The following MPHOSPH9 variants were observed in gnomAD, a reference collection of about 807,000 sequenced individuals.
MPHOSPH9 encodes the protein M-phase phosphoprotein 9.
In MPHOSPH9, 88 loss-of-function variants were observed where a neutral mutation model predicts 145.5. The observed-to-expected ratio is 0.60, with a 90% CI of 0.51 to 0.72. MPHOSPH9 has a LOEUF of 0.72. Among genes scored for constraint, MPHOSPH9 ranks in the 30% least tolerant of loss-of-function variants. MPHOSPH9 has a pLI of 0.00. For missense variants in MPHOSPH9, 1,238 were observed against 1,386.6 expected, an observed-to-expected ratio of 0.89 and a Z score of 1.70; for synonymous variants, 435 against 486.2, an observed-to-expected ratio of 0.89 and a Z score of 1.39.
At chr12:123,179,399 C>T (rs1028669132) in intron 15 of MPHOSPH9, among the ~76,000 whole-genome samples, 1 of 152,164 alleles carries the variant, frequency 6.6e-6, no homozygotes, top group South Asian at 2.1e-4. Flanking sequence ...CATGGCGAAA[C>T]CCTGTCTCTA....
At chr12:123,215,594 A>G (rs1411867340) in intron 6 of MPHOSPH9, among the ~76,000 whole-genome samples, 2 of 152,204 alleles carry the variant, frequency 1.3e-5, no homozygotes, top group Non-Finnish European at 2.9e-5. Context: ...GTAGTAGACT[A>G]CTTCCTATAT....
chr12:123,230,389 C>G lies in MPHOSPH9; in HGVS notation c.-25G>C. 1 of 1,388,446 alleles carries G rather than the reference C, an allele frequency of 7.2e-7. No homozygotes were observed. The highest frequency in any genetic ancestry group is 9.7e-7 in the Non-Finnish European group (1 of 1,028,446). 86.0% of individuals were successfully genotyped at this position (1,388,446 alleles called of 1,614,324 possible). ...TAGTGTACAGAAATTGTTATATTCT[C>G]TTATTGGAAAATAAAGGTTCTTGGG... is the stretch of plus-strand genomic sequence containing the variant. On this transcript the variant is annotated 5_prime_UTR_variant, in exon 2 of 24. Transcript: ENST00000606320.
chr12:123,194,742 CT>C (rs1300849145), intron 12 of MPHOSPH9, 141 bp from the exon 13 acceptor site: 8 of 572,828 alleles, frequency 1.4e-5, no homozygotes, highest in African/African-American at 1.1e-4. Context: ...CTGCCTCAGC[CT>C]CCCGAGAGCT....
At chr12:123,179,870 A>G in intron 15 of MPHOSPH9, 56 bp downstream of exon 15, 4 of 941,112 alleles carry the variant, frequency 4.3e-6, no homozygotes, top group Non-Finnish European at 6.3e-6. Context: ...TGTTCAATAC[A>G]GACACATAAA....
chr12:123,175,758 C>T (rs889808431), intron 16 of MPHOSPH9, among the ~76,000 whole-genome samples: 2 of 150,630 alleles, frequency 1.3e-5, no homozygotes, highest in African/African-American at 4.9e-5. Context: ...TCCCTGGTCC[C>T]CAACCCGAAG....
chr12:123,164,264 GCAC>G (rs2044222877), intron 18 of MPHOSPH9, among the ~76,000 whole-genome samples, 174 bp from the exon 19 acceptor site: 1 of 152,132 alleles, frequency 6.6e-6, no homozygotes, highest in Non-Finnish European at 1.5e-5. Context: ...ATTTGCAAAT[GCAC>G]CACATTATAA....
rs2043830224 is a variant in MPHOSPH9, at chr12:123,154,884, G to A, written c.*1923C>T. 1 of 151,940 alleles carries A rather than the reference G, an allele frequency of 6.6e-6. No homozygotes were observed. Among genetic ancestry groups the A allele is most frequent in the Non-Finnish European group, 1.5e-5 (1 of 68,014 alleles). The allele number at this position is 151,940 out of a possible 1,614,324, so 9.4% of individuals were successfully genotyped here. On this transcript the variant is annotated 3_prime_UTR_variant, in exon 24 of 24. Transcript: ENST00000606320. The stretch of plus-strand genomic sequence containing the variant: ...GAATACCAAGAATAGGCCGGGTGTG[G>A]TGGCTCATGCCTGTAATCCCAGCAC...
chr12:123,220,059 C>T (rs950628318), intron 5 of MPHOSPH9, among the ~76,000 whole-genome samples: 12 of 151,454 alleles, frequency 7.9e-5, no homozygotes, highest in African/African-American at 1.7e-4. Context: ...CCGGACGTGG[C>T]GGTACATGCC....
At chr12:123,233,222 A>G (rs1250376551), upstream of MPHOSPH9, 2 of 152,122 alleles carry the variant, frequency 1.3e-5, no homozygotes, top group Non-Finnish European at 1.5e-5. Flanking sequence ...GCGCGCGTCC[A>G]CCTCGCCGTT....
At chr12:123,216,606 T>C (rs1201846064) in intron 6 of MPHOSPH9, among the ~76,000 whole-genome samples, 3 of 152,130 alleles carry the variant, frequency 2.0e-5, no homozygotes, top group Non-Finnish European at 4.4e-5. Flanking sequence ...ATCTCAGCAT[T>C]TGGGGAGGCC....
intron 13 of MPHOSPH9, among the ~76,000 whole-genome samples, chr12:123,188,585 C>T (rs938258602): frequency 1.3e-5 from 2 of 152,226 alleles, no homozygotes; most frequent in African/African-American, 4.8e-5. Context: ...CGGTGGCTCA[C>T]GCCTGTAATC....
chr12:123,219,501 C>T lies in MPHOSPH9; in HGVS notation c.873-1002G>A, dbSNP rs145769874. ...CCGGGAGGCAGAGCTTGCAGTGAGCCGAGATTGCGCCACTGCACTCCAGCC... is the reference window on the plus strand; with the variant it reads ...CCGGGAGGCAGAGCTTGCAGTGAGCTGAGATTGCGCCACTGCACTCCAGCC... On this transcript the variant is annotated intron_variant, in intron 5 of 23. Coordinates refer to ENST00000606320, the MANE Select transcript of MPHOSPH9 (RefSeq NM_022782.4). 9.0e-3 allele frequency among the ~76,000 whole-genome samples: 1,295 copies of T among 144,432 alleles called. 15 individuals carry two copies. Among genetic ancestry groups the T allele is most frequent in the African/African-American group, 0.031 (1,186 of 38,556 alleles). 94.8% of individuals were successfully genotyped at this position (144,432 alleles called of 152,430 possible).
intron 23 of MPHOSPH9, chr12:123,160,120 ATCAGCC>A (rs1439214238): frequency 6.6e-6 from 1 of 152,204 alleles, no homozygotes; most frequent in African/African-American, 2.4e-5. Context: ...ACCCGCCTGC[ATCAGCC>A]TCCCAAAGTG....
In MPHOSPH9 at chr12:123,156,711, A is replaced by G; in HGVS notation, c.*96T>C. 3 of 779,630 alleles carry G rather than the reference A, an allele frequency of 3.8e-6. No homozygotes were observed. Among genetic ancestry groups the G allele is most frequent in the Non-Finnish European group, 4.0e-6 (2 of 504,188 alleles). 48.3% of individuals were successfully genotyped at this position (779,630 alleles called of 1,614,324 possible). On this transcript the variant is annotated 3_prime_UTR_variant, in exon 24 of 24. Coordinates refer to ENST00000606320, the MANE Select transcript of MPHOSPH9 (RefSeq NM_022782.4). Reference sequence around the variant, plus strand: ...GCATGATTGTAAAACTACTGTTTGAAGGCTTATAAACAGTACAAAATAGTT... The same window carrying G: ...GCATGATTGTAAAACTACTGTTTGAGGGCTTATAAACAGTACAAAATAGTT...
chr12:123,162,273 A>G, intron 20 of MPHOSPH9, 55 bp from the exon 21 acceptor site: 1 of 938,142 alleles, frequency 1.1e-6, no homozygotes, highest in Non-Finnish European at 1.5e-6. Flanking sequence ...GATTTTCCCT[A>G]TCTCCACTAC....
downstream of MPHOSPH9, among the ~76,000 whole-genome samples, chr12:123,153,657 C>T (rs541494233): frequency 9.4e-5 from 14 of 148,768 alleles, no homozygotes; most frequent in African/African-American, 2.8e-4. Context: ...CCCACCTACA[C>T]GGGAGGCTGA....
chr12:123,166,276 T>C (rs1479917648), intron 17 of MPHOSPH9: 3 of 221,456 alleles, frequency 1.4e-5, no homozygotes, highest in Non-Finnish European at 2.6e-5. Context: ...CCGGCTAATA[T>C]ATTTATTTTT....
chr12:123,173,414 T>C (rs1300019824), intron 16 of MPHOSPH9, among the ~76,000 whole-genome samples: 1 of 152,202 alleles, frequency 6.6e-6, no homozygotes, highest in Non-Finnish European at 1.5e-5. Flanking sequence ...GTCTTCCTTT[T>C]ACCTTACCAG....
Position 123,159,714 on chromosome 12 carries a change from C to A in MPHOSPH9, c.3450+1067G>T, listed in dbSNP as rs2044023061. 6.6e-6 allele frequency: 1 copy of A among 152,130 alleles called. No homozygotes were observed. The highest frequency in any genetic ancestry group is 2.4e-5 in the African/African-American group (1 of 41,406). 9.4% of individuals were successfully genotyped at this position (152,130 alleles called of 1,614,324 possible). The stretch of plus-strand genomic sequence containing the variant: ...AGAGATATGTTTAAGAACTTTATTG[C>A]AGCCTTATTTATGATATCCAAAATT... On this transcript the variant is annotated intron_variant, in intron 23 of 23. Transcript: ENST00000606320. This position sits in a 1 kb window ranked among gnomAD's most constrained non-coding sequence, Gnocchi z 4.3.
Sources: allele counts gnomAD v4.1 joint callset (sites outside exome capture counted in the v4.1 genomes callset), GRCh38; gene constraint gnomAD v4.1.1; non-coding constraint Gnocchi (gnomAD v3.1); transcripts MANE v1.5; gene names NCBI Gene and HGNC (gene_info 2026-07-23, HGNC 2026-07-21).